GRIK2: variants seen among roughly 807,000 people sequenced by gnomAD.
GRIK2 encodes the protein glutamate receptor ionotropic, kainate 2.
In GRIK2, 32 loss-of-function variants were observed where a neutral mutation model predicts 100.3. That is an observed-to-expected ratio of 0.32 (90% CI 0.24 to 0.43). The LOEUF (loss-of-function observed/expected upper bound fraction) is 0.43, where lower values mean the gene tolerates loss of function less well. GRIK2 is among the 20% of genes least tolerant of loss of function. GRIK2 has a pLI of 1.00. For synonymous variants in GRIK2, 417 were observed against 389.4 expected (o/e 1.07, Z -0.83); for missense variants, 843 against 1,114.9 (o/e 0.76, Z 3.47).
rs182821072 is a variant in GRIK2, at chr6:101,407,312, G to T, written c.115+7920G>T. Among the ~76,000 whole-genome samples the T allele has an allele frequency of 4.4e-3, 668 of 152,100 alleles. 2 individuals carry two copies. The highest frequency in any genetic ancestry group is 7.9e-3 in the Admixed American group (120 of 15,268). ...ATCTAAGCTAAAGGGGAACTCAAAG[G>T]TCCCCACGTTTAGAGTCTTAAGTTT... On this transcript the variant is annotated intron_variant, in intron 2 of 16. Transcript: ENST00000369134.
At chr6:101,685,926 A>G (rs745665433) in intron 6 of GRIK2, among the ~76,000 whole-genome samples, 9 of 152,170 alleles carry the variant, frequency 5.9e-5, no homozygotes, top group Non-Finnish European at 7.4e-5. Context: ...TGTGAGTTGT[A>G]GAAGAGCCCA....
At chr6:101,924,544 A>G in intron 12 of GRIK2, 57 bp from the exon 13 acceptor site, 2 of 890,228 alleles carry the variant, frequency 2.2e-6, no homozygotes, top group South Asian at 2.8e-5. Context: ...AAAATGCTGG[A>G]TAGAATTTCT....
At chr6:101,997,575 T>C (rs1794715465) in intron 14 of GRIK2, among the ~76,000 whole-genome samples, 1 of 152,124 alleles carries the variant, frequency 6.6e-6, no homozygotes, top group South Asian at 2.1e-4. Context: ...TTCAACTTCC[T>C]GCTGTCAGAA....
chr6:101,879,907 A>T (rs1786128860), intron 11 of GRIK2, among the ~76,000 whole-genome samples: 1 of 151,978 alleles, frequency 6.6e-6, no homozygotes, highest in Non-Finnish European at 1.5e-5. Context: ...GGCATCAGTG[A>T]CGTTTTGACT....
At chr6:101,967,920 A>C (rs1792791661) in intron 14 of GRIK2, among the ~76,000 whole-genome samples, 1 of 151,824 alleles carries the variant, frequency 6.6e-6, no homozygotes, top group Non-Finnish European at 1.5e-5. Context: ...ACAAACCAAC[A>C]ACCCCTCCCA....
Position 102,055,505 on chromosome 6 carries a change from C to G in GRIK2, c.2487C>G (p.Ala829=), listed in dbSNP as rs370196358. The G allele has an allele frequency of 9.3e-6, 15 of 1,613,322 alleles. No homozygotes were observed. In the South Asian group the frequency reaches 9.9e-5, roughly 11 times the overall value. Residue 829 remains alanine (A), a synonymous_variant, in exon 16 of 17, where the codon GCC becomes GCG. Coordinates refer to ENST00000369134, the MANE Select transcript of GRIK2 (RefSeq NM_021956.5). ...NIGGIFIVLA[A]GLVLSVFVAV... ...GTGGCATCTTCATTGTTCTGGCAGCCGGCTTGGTGCTTTCAGTTTTTGTGG... is the reference window on the plus strand; with the variant it reads ...GTGGCATCTTCATTGTTCTGGCAGCGGGCTTGGTGCTTTCAGTTTTTGTGG...
intron 14 of GRIK2, among the ~76,000 whole-genome samples, chr6:101,949,663 G>T (rs113852045): frequency 2.0e-5 from 3 of 152,080 alleles, no homozygotes; most frequent in Non-Finnish European, 4.4e-5. Context: ...CTTCATCCAT[G>T]TCCCTGCAAA....
intron 14 of GRIK2, among the ~76,000 whole-genome samples, chr6:101,946,060 A>G (rs1175394787): frequency 6.6e-6 from 1 of 151,982 alleles, no homozygotes; most frequent in Non-Finnish European, 1.5e-5. Context: ...AAACCATTTT[A>G]CATACCCTAA....
At chr6:101,959,980 G>A (rs1792181752) in intron 14 of GRIK2, among the ~76,000 whole-genome samples, 1 of 151,018 alleles carries the variant, frequency 6.6e-6, no homozygotes, top group African/African-American at 2.4e-5. Context: ...TTCTCCCTCA[G>A]GAATGCCTAT....
intron 12 of GRIK2, among the ~76,000 whole-genome samples, chr6:101,922,212 A>G (rs986350564): frequency 6.6e-6 from 1 of 151,468 alleles, no homozygotes; most frequent in Non-Finnish European, 1.5e-5. Context: ...AGAAAATAGA[A>G]AATAAATTTT....
chr6:101,771,627 C>T (rs1778411726), intron 7 of GRIK2, among the ~76,000 whole-genome samples: 1 of 151,332 alleles, frequency 6.6e-6, no homozygotes, highest in African/African-American at 2.4e-5. Flanking sequence ...TGGTGTGCTG[C>T]ATCCATTAAC....
At chr6:102,039,764 C>T (rs1770468162) in intron 15 of GRIK2, among the ~76,000 whole-genome samples, 1 of 151,434 alleles carries the variant, frequency 6.6e-6, no homozygotes, top group East Asian at 1.9e-4. Context: ...AGAAAAAATT[C>T]CATTAGGGCC....
intron 2 of GRIK2, among the ~76,000 whole-genome samples, chr6:101,559,042 T>A (rs1776873662): frequency 6.6e-6 from 1 of 152,138 alleles, no homozygotes; most frequent in Non-Finnish European, 1.5e-5. Context: ...TTCCTCTGTC[T>A]AGATGACCCC....
chr6:101,613,163 G>C (rs910909463), intron 2 of GRIK2, among the ~76,000 whole-genome samples: 1 of 151,664 alleles, frequency 6.6e-6, no homozygotes, highest in Non-Finnish European at 1.5e-5. Context: ...CATATGAAAA[G>C]GTTTACAGTG....
At chr6:101,773,918 A>G (rs997545466) in intron 7 of GRIK2, among the ~76,000 whole-genome samples, 3 of 152,204 alleles carry the variant, frequency 2.0e-5, no homozygotes, top group African/African-American at 7.2e-5. Context: ...CAATTATTGT[A>G]GAGTAATGAG....
intron 11 of GRIK2, among the ~76,000 whole-genome samples, chr6:101,888,151 G>A (rs1786789164): frequency 6.6e-6 from 1 of 152,072 alleles, no homozygotes; most frequent in Admixed American, 6.6e-5. Flanking sequence ...ATTATTGAAT[G>A]AATGAATGAA....
At chr6:101,715,027 AATTT>A (rs1236976434) in intron 7 of GRIK2, among the ~76,000 whole-genome samples, 2 of 151,838 alleles carry the variant, frequency 1.3e-5, no homozygotes, top group African/African-American at 4.8e-5. Context: ...AACGTTTTAC[AATTT>A]ATTTCCAGGA....
intron 2 of GRIK2, among the ~76,000 whole-genome samples, chr6:101,532,233 T>C (rs1305782537): frequency 6.6e-6 from 1 of 151,958 alleles, no homozygotes; most frequent in Non-Finnish European, 1.5e-5. Context: ...CCTTTCTCTA[T>C]AATGCTCTTT....
chr6:101,679,808 C>T (rs1351051631), intron 5 of GRIK2, among the ~76,000 whole-genome samples: 2 of 152,132 alleles, frequency 1.3e-5, no homozygotes, highest in African/African-American at 4.8e-5. Flanking sequence ...GGTGCGATCT[C>T]GGCTCACTGC....
Sources: allele counts gnomAD v4.1 joint callset (sites outside exome capture counted in the v4.1 genomes callset), GRCh38; gene constraint gnomAD v4.1.1; transcripts MANE v1.5; gene names NCBI Gene and HGNC (gene_info 2026-07-23, HGNC 2026-07-21).